The following ZNF469 variants were observed in gnomAD, a reference collection of about 807,000 sequenced individuals.
ZNF469 encodes the protein zinc finger protein 469.
Under a neutral mutation model 1.0 loss-of-function variants are expected in ZNF469, and 1 was observed. The observed-to-expected ratio is 1.00, with a 90% confidence interval of 0.35 to 4.73. The LOEUF (loss-of-function observed/expected upper bound fraction) is 4.73. Among genes scored for constraint, ZNF469 ranks in the 30% most tolerant of loss-of-function variants. The pLI is 0.16. For missense variants in ZNF469, 6,100 were observed against 5,356.3 expected (o/e 1.14, Z -4.33); for synonymous variants, 2,703 against 2,363.4 (o/e 1.14, Z -4.17).
the ZNF469 span, among the ~76,000 whole-genome samples, chr16:88,361,933 T>G: frequency 6.6e-6 from 1 of 152,234 alleles, no homozygotes; most frequent in Admixed American, 6.5e-5. Context: ...TTGGATTGCA[T>G]TGACACTTCT....
the ZNF469 span, among the ~76,000 whole-genome samples, chr16:88,246,504 C>T: frequency 6.6e-6 from 1 of 152,194 alleles, no homozygotes; most frequent in African/African-American, 2.4e-5. Context: ...TAGGAGGAGG[C>T]TGTCTTGGCA....
the ZNF469 span, among the ~76,000 whole-genome samples, chr16:88,167,269 C>A: frequency 6.6e-6 from 1 of 151,972 alleles, no homozygotes; most frequent in African/African-American, 2.4e-5. Flanking sequence ...ACCATGTTGG[C>A]CAGAATGGTC....
At chr16:88,252,964 G>A in the ZNF469 span, among the ~76,000 whole-genome samples, 8 of 152,124 alleles carry the variant, frequency 5.3e-5, no homozygotes, top group Non-Finnish European at 1.2e-4. Context: ...TATAGCATAC[G>A]TTCCTTTGTA....
At chr16:88,227,745 A>G in the ZNF469 span, among the ~76,000 whole-genome samples, 1 of 152,152 alleles carries the variant, frequency 6.6e-6, no homozygotes. Context: ...CCGCTGTAAC[A>G]AATGCCACAC....
chr16:88,376,691 C>T, the ZNF469 span, among the ~76,000 whole-genome samples: 1 of 152,258 alleles, frequency 6.6e-6, no homozygotes, highest in Non-Finnish European at 1.5e-5. Context: ...CTGCCCACGG[C>T]CCCAGCACAT....
At chr16:88,311,664 G>C in the ZNF469 span, among the ~76,000 whole-genome samples, 1 of 152,156 alleles carries the variant, frequency 6.6e-6, no homozygotes, top group African/African-American at 2.4e-5. Flanking sequence ...GGCTGTCCCT[G>C]CAGCGTTGCA....
In ZNF469 at chr16:88,440,438, T is replaced by C. The variant is rs960008417; in HGVS notation, c.*1106T>C. 3 of 152,022 alleles carry C rather than the reference T, an allele frequency of 2.0e-5. No individual in the cohort carries two copies. Among genetic ancestry groups the C allele is most frequent in the African/African-American group, 7.2e-5 (3 of 41,418 alleles). The allele number at this position is 152,022 out of a possible 1,614,324, so 9.4% of individuals were successfully genotyped here. On this transcript the variant is annotated 3_prime_UTR_variant, in exon 3 of 3. Transcript: ENST00000565624. ...GGGACGCACGTGTCCTCTCACAGCG[T>C]CGTGCCTGTGAAGGTGGGTCAAAGG...
chr16:88,193,166 TGGTGGGGATGGTGGTGATGGTGGTGG>T, the ZNF469 span, among the ~76,000 whole-genome samples: 1 of 16,754 alleles, frequency 6.0e-5, no homozygotes, highest in Non-Finnish European at 1.2e-4. Context: ...GTGGTGATGG[TGGTGGGGATGGTGGTGATGGTGGTGG>T]TGGTGATGGT....
At chr16:88,399,082 G>T (rs760896126) in intron 1 of ZNF469, among the ~76,000 whole-genome samples, 1 of 152,246 alleles carries the variant, frequency 6.6e-6, no homozygotes, top group Non-Finnish European at 1.5e-5. Context: ...CCCCTGTTCC[G>T]AGAGTATGAT....
Position 88,435,462 on chromosome 16 carries a change from A to T in ZNF469, c.7992A>T (p.Pro2664=). The T allele has an allele frequency of 6.5e-7, 1 of 1,549,620 alleles. No homozygotes were observed. Among genetic ancestry groups the T allele is most frequent in the Non-Finnish European group, 8.7e-7 (1 of 1,146,964 alleles). ...TTTCAGATGGGCGCGGCTCCAGACC[A>T]TCCCCTGCAATGGCCAGTTACGCAG... is the stretch of plus-strand genomic sequence containing the variant. ...DVISDGRGSR[P]SPAMASYAAS... is the part of the protein sequence containing the mutation. Residue 2664 remains proline, a synonymous_variant, in exon 3 of 3, where the codon CCA becomes CCT. Transcript: ENST00000565624.
At chr16:88,224,554 A>G in the ZNF469 span, among the ~76,000 whole-genome samples, 1 of 152,146 alleles carries the variant, frequency 6.6e-6, no homozygotes, top group Non-Finnish European at 1.5e-5. Flanking sequence ...ACTTAGTGGT[A>G]AACCCGTCAG....
the ZNF469 span, among the ~76,000 whole-genome samples, chr16:88,371,999 T>TCATCAC: frequency 9.9e-4 from 122 of 122,630 alleles, no homozygotes; most frequent in African/African-American, 3.6e-3. Context: ...ACCATCACCA[T>TCATCAC]CATCACCATC....
the ZNF469 span, among the ~76,000 whole-genome samples, chr16:88,157,636 C>T: frequency 2.6e-5 from 4 of 152,010 alleles, no homozygotes; most frequent in Non-Finnish European, 4.4e-5. Context: ...AGTGCCATAG[C>T]AGATGGACTC....
At chr16:88,143,420 G>A in the ZNF469 span, among the ~76,000 whole-genome samples, 6 of 152,198 alleles carry the variant, frequency 3.9e-5, no homozygotes, top group East Asian at 3.9e-4. Flanking sequence ...GTGGGGCACC[G>A]AGGCTGTGTT....
chr16:88,165,759 C>T, the ZNF469 span, among the ~76,000 whole-genome samples: 1 of 152,120 alleles, frequency 6.6e-6, no homozygotes, highest in Non-Finnish European at 1.5e-5. Context: ...AAACTGTGTC[C>T]CCACTACACC....
the ZNF469 span, among the ~76,000 whole-genome samples, chr16:88,349,795 GGCACATT>G: frequency 0.02 from 73 of 3,622 alleles, no homozygotes; most frequent in Middle Eastern, 0.045. Flanking sequence ...ACACACACCA[GGCACATT>G]ACACACATCA....
chr16:88,130,953 G>A, the ZNF469 span, among the ~76,000 whole-genome samples: 5 of 152,238 alleles, frequency 3.3e-5, no homozygotes, highest in African/African-American at 7.2e-5. Flanking sequence ...CGATGAGGAC[G>A]AGGTGCCCGG....
At chr16:88,268,352 T>C in the ZNF469 span, among the ~76,000 whole-genome samples, 2 of 152,082 alleles carry the variant, frequency 1.3e-5, no homozygotes, top group African/African-American at 4.8e-5. Flanking sequence ...AATGTCAGAC[T>C]TGGTTCTGAT....
the ZNF469 span, among the ~76,000 whole-genome samples, chr16:88,181,084 T>G: frequency 3.3e-5 from 5 of 151,992 alleles, no homozygotes; most frequent in Admixed American, 3.3e-4. Context: ...TTTTTTTTTT[T>G]TTTTTTGAGA....
Sources: allele counts gnomAD v4.1 joint callset (sites outside exome capture counted in the v4.1 genomes callset), GRCh38; gene constraint gnomAD v4.1.1; transcripts MANE v1.5; gene names NCBI Gene and HGNC (gene_info 2026-07-23, HGNC 2026-07-21).